Variants in ICOS observed in about 807,000 individuals in gnomAD.
ICOS encodes inducible T-cell costimulator.
In ICOS, 15 loss-of-function variants were observed where a neutral mutation model predicts 24.6. The observed-to-expected ratio is 0.61, with a 90% CI of 0.41 to 0.94. ICOS has a LOEUF of 0.94. ICOS is among the 40% of genes least tolerant of loss of function. ICOS has a pLI of 0.00. For synonymous variants in ICOS, 89 were observed against 77.5 expected, an observed-to-expected ratio of 1.15 and a Z score of -0.78; for missense variants, 200 against 233.0, an observed-to-expected ratio of 0.86 and a Z score of 0.92.
At chr2:203,944,295 A>G (rs947917173) in intron 1 of ICOS, among the ~76,000 whole-genome samples, 2 of 151,910 alleles carry the variant, frequency 1.3e-5, no homozygotes, top group African/African-American at 2.4e-5. Flanking sequence ...CTGCTTGGGG[A>G]CCCATTGAGC....
chr2:203,955,481 T>C (rs1387329308), intron 1 of ICOS, among the ~76,000 whole-genome samples, 155 bp from the exon 2 acceptor site: 1 of 152,170 alleles, frequency 6.6e-6, no homozygotes, highest in East Asian at 1.9e-4. Flanking sequence ...CTTATGTTCT[T>C]CCTTGAGGGG....
At chr2:203,950,869 G>A (rs547238486) in intron 1 of ICOS, among the ~76,000 whole-genome samples, 160 of 152,126 alleles carry the variant, frequency 1.1e-3, no homozygotes, top group African/African-American at 3.7e-3. Flanking sequence ...AGACCATCCT[G>A]GCCAACACGG....
intron 1 of ICOS, among the ~76,000 whole-genome samples, chr2:203,951,673 A>G (rs181738305): frequency 1.3e-5 from 2 of 152,218 alleles, no homozygotes; most frequent in Admixed American, 1.3e-4. Context: ...CTGTGTATAC[A>G]TGGTGACCAC....
In ICOS at chr2:203,957,887, T is replaced by A; in HGVS notation, c.586+4T>A. 1.3e-6 allele frequency: 2 copies of A among 1,572,524 alleles called. No homozygotes were observed. The highest frequency in any genetic ancestry group is 2.2e-5 in the South Asian group (2 of 90,226). On this transcript the variant is annotated splice_donor_region_variant and intron_variant, in intron 4 of 4. Coordinates refer to ENST00000316386, the MANE Select transcript of ICOS (RefSeq NM_012092.4). Reference sequence around the variant, plus strand: ...GCCAAAAAATCTAGACTCACAGGTATGACTCCATTTGGGGGTTTGGGAAGG... The same window carrying A: ...GCCAAAAAATCTAGACTCACAGGTAAGACTCCATTTGGGGGTTTGGGAAGG...
intron 1 of ICOS, among the ~76,000 whole-genome samples, chr2:203,952,574 G>T (rs1690004009): frequency 6.6e-6 from 1 of 152,076 alleles, no homozygotes; most frequent in African/African-American, 2.4e-5. Flanking sequence ...GAGTGTGACT[G>T]GGTTCTAACT....
At chr2:203,947,558 C>T (rs1278077126) in intron 1 of ICOS, among the ~76,000 whole-genome samples, 5 of 152,096 alleles carry the variant, frequency 3.3e-5, no homozygotes, top group African/African-American at 9.7e-5. Flanking sequence ...CCTCCTGCCT[C>T]GGCCTCCCAA....
At chr2:203,952,197 C>T (rs1689991550) in intron 1 of ICOS, among the ~76,000 whole-genome samples, 1 of 152,160 alleles carries the variant, frequency 6.6e-6, no homozygotes. Flanking sequence ...TTAGACAAAA[C>T]CATTAGGCTG....
intron 4 of ICOS, among the ~76,000 whole-genome samples, 163 bp from the exon 5 acceptor site, chr2:203,959,423 G>C (rs1002223817): frequency 2.0e-5 from 3 of 151,442 alleles, no homozygotes; most frequent in Non-Finnish European, 4.4e-5. Context: ...GGGTGTTGAA[G>C]CATAAAGATG....
chr2:203,936,937 G>C, intron 1 of ICOS, 65 bp downstream of exon 1: 1 of 1,315,688 alleles, frequency 7.6e-7, no homozygotes, highest in Non-Finnish European at 1.1e-6. Context: ...AAAAAGCAAA[G>C]GTAGAAAAAT....
rs1690159872 is a variant in ICOS, at chr2:203,960,555, A to T, written c.*956A>T. 1.3e-5 allele frequency: 2 copies of T among 152,174 alleles called. No homozygotes were observed. The highest frequency in any genetic ancestry group is 1.3e-4 in the Admixed American group (2 of 15,276). 9.4% of individuals were successfully genotyped at this position (152,174 alleles called of 1,614,324 possible). A position where few individuals can be genotyped will look rare whatever the true frequency, so the allele number is the denominator to read the frequency against. ...ATGTTTTCATGGTGCTATTAATTACAAGTTTAGTTCTTTTTGTAGATCATA... is the reference window on the plus strand; with the variant it reads ...ATGTTTTCATGGTGCTATTAATTACTAGTTTAGTTCTTTTTGTAGATCATA... On this transcript the variant is annotated 3_prime_UTR_variant, in exon 5 of 5. Coordinates refer to ENST00000316386, the MANE Select transcript of ICOS (RefSeq NM_012092.4).
chr2:203,949,289 G>C (rs1320590546), intron 1 of ICOS, among the ~76,000 whole-genome samples: 1 of 152,220 alleles, frequency 6.6e-6, no homozygotes, highest in Non-Finnish European at 1.5e-5. Flanking sequence ...TCAGTTGTTA[G>C]TGACCACTGT....
intron 1 of ICOS, among the ~76,000 whole-genome samples, chr2:203,938,328 G>A (rs1002960477): frequency 6.6e-6 from 1 of 152,126 alleles, no homozygotes; most frequent in African/African-American, 2.4e-5. Flanking sequence ...ATGAAGGTAG[G>A]GAAGAACGTT....
At chr2:203,956,059 A>T in intron 2 of ICOS, 88 bp downstream of exon 2, 1 of 887,038 alleles carries the variant, frequency 1.1e-6, no homozygotes, top group Non-Finnish European at 1.8e-6. Flanking sequence ...AGACAAATAA[A>T]TATCTTTTGT....
At chr2:203,950,968 C>CT (rs1689961218) in intron 1 of ICOS, among the ~76,000 whole-genome samples, 1 of 151,668 alleles carries the variant, frequency 6.6e-6, no homozygotes, top group African/African-American at 2.4e-5. Context: ...GCTGAGGCAG[C>CT]AGAATCGCTT....
chr2:203,954,765 A>G (rs1314690501), intron 1 of ICOS, among the ~76,000 whole-genome samples: 2 of 151,732 alleles, frequency 1.3e-5, no homozygotes, highest in Non-Finnish European at 2.9e-5. Context: ...GACATAATGT[A>G]TGTGTGTATA....
At chr2:203,941,710 C>CAAATGGCAA (rs1232498559) in intron 1 of ICOS, among the ~76,000 whole-genome samples, 1 of 152,086 alleles carries the variant, frequency 6.6e-6, no homozygotes, top group African/African-American at 2.4e-5. Flanking sequence ...CTAGGTCTGT[C>CAAATGGCAA]AAATGGCACT....
intron 1 of ICOS, among the ~76,000 whole-genome samples, chr2:203,942,005 C>T (rs1392821973): frequency 2.6e-5 from 4 of 152,118 alleles, no homozygotes; most frequent in African/African-American, 9.7e-5. Flanking sequence ...AAAAAAGAAA[C>T]ACGTTGTCCC....
chr2:203,958,176 G>A (rs1690111116), intron 4 of ICOS, among the ~76,000 whole-genome samples: 1 of 152,110 alleles, frequency 6.6e-6, no homozygotes, highest in African/African-American at 2.4e-5. Context: ...CAAAAGTTGG[G>A]ATGATTCTAA....
At chr2:203,951,774 G>A (rs1280953657) in intron 1 of ICOS, among the ~76,000 whole-genome samples, 2 of 152,166 alleles carry the variant, frequency 1.3e-5, no homozygotes, top group African/African-American at 4.8e-5. Context: ...AAGGAACTGA[G>A]AACCCGTCCA....
Sources: allele counts gnomAD v4.1 joint callset (sites outside exome capture counted in the v4.1 genomes callset), GRCh38; gene constraint gnomAD v4.1.1; transcripts MANE v1.5; gene names NCBI Gene and HGNC (gene_info 2026-07-23, HGNC 2026-07-21).